AACS: variants seen among roughly 807,000 people sequenced by gnomAD.
The protein encoded by AACS is acetoacetyl-CoA synthetase, also known as acetoacetate-CoA ligase.
Under a neutral mutation model 83.1 loss-of-function variants are expected in AACS, and 69 were observed. The observed-to-expected ratio is 0.83, with a 90% CI of 0.68 to 1.01. The LOEUF (loss-of-function observed/expected upper bound fraction) is 1.01, where lower values mean the gene tolerates loss of function less well. AACS is among the 50% of genes least tolerant of loss of function. AACS has a pLI of 0.00. For missense variants in AACS, 866 were observed against 882.2 expected (o/e 0.98, Z 0.23); for synonymous variants, 333 against 343.4 (o/e 0.97, Z 0.33).
rs1442269786 is a variant in AACS, at chr12:125,107,397, T to C, written c.915+129T>C. 4 of 1,272,714 alleles carry C rather than the reference T, an allele frequency of 3.1e-6. No individual in the cohort carries two copies. The East Asian group carries it at 1.0e-4, about 32-fold the overall frequency. The allele number at this position is 1,272,714 out of a possible 1,614,324, so 78.8% of individuals were successfully genotyped here. On this transcript the variant is annotated intron_variant, in intron 8 of 17. Transcript: ENST00000316519. ...ATCCCCGGAGAGTCCAACGTGCAGC[T>C]TCTCTCCAAGTGGGGTGCTGCACGG...
chr12:125,098,360 C>A (rs1956656748), intron 5 of AACS, among the ~76,000 whole-genome samples: 1 of 151,632 alleles, frequency 6.6e-6, no homozygotes, highest in South Asian at 2.1e-4. Context: ...GTCTACTGTA[C>A]TCTAGCCTGG....
chr12:125,078,305 G>A (rs1426188133), intron 3 of AACS: 5 of 456,062 alleles, frequency 1.1e-5, no homozygotes, highest in South Asian at 7.7e-5. Flanking sequence ...AAGCCCATGG[G>A]CACTTCTGAT....
intron 5 of AACS, among the ~76,000 whole-genome samples, chr12:125,098,301 A>G (rs181584677): frequency 6.6e-6 from 1 of 152,084 alleles, no homozygotes; most frequent in African/African-American, 2.4e-5. Flanking sequence ...GTGGTGGCAC[A>G]CAGCCTGATC....
intron 8 of AACS, among the ~76,000 whole-genome samples, chr12:125,112,799 C>T (rs1240915697): frequency 2.0e-5 from 3 of 152,112 alleles, no homozygotes; most frequent in Non-Finnish European, 4.4e-5. Context: ...AGGAGCAAGT[C>T]ACATCTTACA....
At chr12:125,122,278 C>T (rs61164263) in intron 10 of AACS, 8,333 of 152,234 alleles carry the variant, frequency 0.055, 290 homozygotes, top group African/African-American at 0.09. Context: ...AGTTTTTCCC[C>T]GAGTGGAATG....
Position 125,114,501 on chromosome 12 carries a change from G to C in AACS, c.940G>C (p.Glu314Gln). Residue 314 changes from glutamate to glutamine, a missense_variant, in exon 9 of 18, where the codon GAG (glutamate) becomes CAG (glutamine). By Grantham distance (29) the Glu-to-Gln change is conservative. Transcript: ENST00000316519. Reference sequence around the variant, plus strand: ...GGGCACCCTCATCCAGCATCTGAAGGAGCACCTGCTGCACGGCAACATGAC... The same window carrying C: ...GGGCACCCTCATCCAGCATCTGAAGCAGCACCTGCTGCACGGCAACATGAC... ...AGGTLIQHLK[E>Q]HLLHGNMTSS... 1 of 1,613,346 alleles carries C rather than the reference G, an allele frequency of 6.2e-7. No individual in the cohort carries two copies. The highest frequency in any genetic ancestry group is 8.5e-7 in the Non-Finnish European group (1 of 1,179,732).
chr12:125,094,978 CGTGTGTGTGTGTGTGTGT>C lies in AACS; in HGVS notation c.570+3484_570+3501del, dbSNP rs57643228. 0.015 allele frequency among the ~76,000 whole-genome samples: 2,247 copies of C among 145,108 alleles called. 118 individuals are homozygous for C. Among genetic ancestry groups the C allele is most frequent in the Admixed American group, 0.11 (1,591 of 14,616 alleles). On this transcript the variant is annotated intron_variant, in intron 5 of 17. Transcript: ENST00000316519. This position sits in a 1 kb window ranked among gnomAD's most constrained non-coding sequence, Gnocchi z 4.1. ...TCCTCCTGAAGTGCCATCAGGTGGC[CGTGTGTGTGTGTGTGTGT>C]GTGTGTGTGTGTGTGTGTGTGTGTG...
rs972356635 is a variant in AACS at position 125,113,678 on chromosome 12, G to T, written c.916-799G>T. Among the ~76,000 whole-genome samples, 1 of 152,186 alleles carries T rather than the reference G, an allele frequency of 6.6e-6. No homozygotes were observed. Among genetic ancestry groups the T allele is most frequent in the Non-Finnish European group, 1.5e-5 (1 of 68,026 alleles). ...TGTTAGGTGGAAAAGGCAAAGTGCG[G>T]GACACTGTGTCACAATGAACAAAAT... On this transcript the variant is annotated intron_variant, in intron 8 of 17. Coordinates refer to ENST00000316519, the MANE Select transcript of AACS (RefSeq NM_023928.5). The surrounding 1 kb of genome is among the most constrained non-coding windows in gnomAD (Gnocchi z 4.8).
chr12:125,089,240 T>C (rs1278536976), intron 4 of AACS, among the ~76,000 whole-genome samples: 3 of 152,144 alleles, frequency 2.0e-5, no homozygotes, highest in African/African-American at 7.2e-5. Context: ...CCCATGGTGG[T>C]GTGACCCCTG....
At chr12:125,084,750 T>A (rs1021072693) in intron 3 of AACS, among the ~76,000 whole-genome samples, 5 of 152,104 alleles carry the variant, frequency 3.3e-5, no homozygotes, top group African/African-American at 9.7e-5. Flanking sequence ...GGCTAATTTT[T>A]AAAAATTTTT....
In AACS at chr12:125,136,828, C is replaced by T. The variant is rs149268530; in HGVS notation, c.1845C>T (p.His615=). ...DAIRMGLSAR[H]VPSLILETKG... is the part of the protein sequence containing the mutation. ...TCCGCATGGGCTTGTCTGCGCGACA[C>T]GTGCCCAGCCTCATCCTGGAAACCA... Residue 615 remains histidine, a synonymous_variant, in exon 17 of 18, where the codon CAC becomes CAT. Coordinates refer to ENST00000316519, the MANE Select transcript of AACS (RefSeq NM_023928.5). 1.9e-4 allele frequency: 300 copies of T among 1,613,810 alleles called. No homozygotes were observed. The African/African-American group carries it at 3.2e-3, about 17-fold the overall frequency.
chr12:125,078,820 CAAAAA>C (rs71092270), intron 3 of AACS, among the ~76,000 whole-genome samples: 5 of 52,042 alleles, frequency 9.6e-5, no homozygotes, highest in South Asian at 2.0e-3. Flanking sequence ...GACTCCGTCT[CAAAAA>C]AAAAAAAAAA....
chr12:125,081,034 C>T (rs551604222), intron 3 of AACS, among the ~76,000 whole-genome samples: 1 of 151,772 alleles, frequency 6.6e-6, no homozygotes, highest in South Asian at 2.1e-4. Context: ...GTTCTGTCAC[C>T]CAGGCTGGAG....
chr12:125,093,615 G>A lies in AACS; in HGVS notation c.570+2092G>A, dbSNP rs552508321. Among the ~76,000 whole-genome samples, 6 of 152,346 alleles carry A rather than the reference G, an allele frequency of 3.9e-5. No homozygotes were observed. In the South Asian group the frequency reaches 1.2e-3, roughly 32 times the overall value. ...CTCTGGAGTGGGAAGTGCTGGCCGA[G>A]CTGCTGGGCGCACTAGATGGCAGCA... On this transcript the variant is annotated intron_variant, in intron 5 of 17. Transcript: ENST00000316519.
chr12:125,088,358 G>A (rs1399210796), intron 4 of AACS, among the ~76,000 whole-genome samples: 1 of 151,250 alleles, frequency 6.6e-6, no homozygotes, highest in African/African-American at 2.4e-5. Context: ...TCAGCCTCCT[G>A]AGTAGCTGGG....
chr12:125,082,208 G>C (rs77067866), intron 3 of AACS, among the ~76,000 whole-genome samples: 27,675 of 137,626 alleles, frequency 0.2, 2,964 homozygotes, highest in African/African-American at 0.32. Flanking sequence ...GTCTTGATTT[G>C]TTGCCCAGAT....
At chr12:125,099,473 C>T (rs955928733) in intron 5 of AACS, among the ~76,000 whole-genome samples, 4 of 152,190 alleles carry the variant, frequency 2.6e-5, no homozygotes, top group Admixed American at 6.5e-5. Context: ...TTTTCTGGCT[C>T]ATGAATCTTT....
At chr12:125,085,203 C>T (rs969400442) in intron 3 of AACS, among the ~76,000 whole-genome samples, 12 of 152,238 alleles carry the variant, frequency 7.9e-5, no homozygotes, top group African/African-American at 2.4e-5. Context: ...CAGAGAACCT[C>T]GCACGTGCAT....
chr12:125,136,899 C>T, intron 17 of AACS, 35 bp downstream of exon 17: 1 of 1,602,998 alleles, frequency 6.2e-7, no homozygotes. Flanking sequence ...GAGACCGCAG[C>T]CATCGCCCCA....
Sources: gnomAD v4.1 joint callset for allele counts (sites outside exome capture counted in the v4.1 genomes callset) on GRCh38, gnomAD v4.1.1 for gene constraint, Gnocchi (gnomAD v3.1) non-coding constraint, MANE v1.5 for transcripts, NCBI Gene and HGNC (gene_info 2026-07-23, HGNC 2026-07-21) for gene names.